ARHGAP24: variants seen among roughly 807,000 people sequenced by gnomAD.
The protein encoded by ARHGAP24 is Rho GTPase activating protein 24.
Under a neutral mutation model 76.4 loss-of-function variants are expected in ARHGAP24, and 50 were observed. The observed-to-expected ratio is 0.65, with a 90% CI of 0.52 to 0.83. The LOEUF is 0.83. Among genes scored for constraint, ARHGAP24 ranks in the 40% least tolerant of loss-of-function variants. The probability of loss-of-function intolerance (pLI) is 0.00; values close to 1 mark genes in which losing one functional copy is unlikely to be tolerated. For synonymous variants in ARHGAP24, 345 were observed against 323.3 expected (o/e 1.07, Z -0.72); for missense variants, 930 against 914.2 (o/e 1.02, Z -0.22).
intron 1 of ARHGAP24, among the ~76,000 whole-genome samples, chr4:85,546,821 A>G (rs1725937612): frequency 6.6e-6 from 1 of 152,184 alleles, no homozygotes; most frequent in African/African-American, 2.4e-5. Flanking sequence ...ACTTATAGAA[A>G]AGTTAGAGGA....
intron 2 of ARHGAP24, among the ~76,000 whole-genome samples, chr4:85,599,686 T>C (rs1719968743): frequency 6.6e-6 from 1 of 152,160 alleles, no homozygotes; most frequent in Non-Finnish European, 1.5e-5. Flanking sequence ...TTTTTTGTAT[T>C]ATATGTAACA....
intron 3 of ARHGAP24, among the ~76,000 whole-genome samples, chr4:85,917,375 G>A (rs1276366580): frequency 4.0e-5 from 6 of 151,840 alleles, no homozygotes; most frequent in African/African-American, 1.2e-4. Context: ...ATAAACATAC[G>A]TGTGCATGTG....
At chr4:85,489,275 G>T (rs1723268464) in intron 1 of ARHGAP24, among the ~76,000 whole-genome samples, 1 of 152,226 alleles carries the variant, frequency 6.6e-6, no homozygotes, top group Non-Finnish European at 1.5e-5. Flanking sequence ...AGGTGAGTGA[G>T]AGAATGGATG....
intron 3 of ARHGAP24, among the ~76,000 whole-genome samples, chr4:85,863,799 T>G (rs1256455061): frequency 6.6e-6 from 1 of 151,976 alleles, no homozygotes; most frequent in Non-Finnish European, 1.5e-5. Flanking sequence ...ATTTAGAACA[T>G]GGACACACAT....
At chr4:85,558,773 A>G in intron 1 of ARHGAP24, among the ~76,000 whole-genome samples, 1 of 152,246 alleles carries the variant, frequency 6.6e-6, no homozygotes. Context: ...ATTGGAAATC[A>G]TTAAGTACCT....
rs1168968862 is a variant in ARHGAP24, at chr4:85,923,522, C to A, written c.269-126C>A. 5 of 1,332,976 alleles carry A rather than the reference C, an allele frequency of 3.8e-6. No homozygotes were observed. In the African/African-American group the frequency reaches 4.4e-5, roughly 12 times the overall value. 82.6% of individuals were successfully genotyped at this position (1,332,976 alleles called of 1,614,324 possible). ...CACTCAGAAACCATGGTAAATATTT[C>A]ATCATTGGGTAGAACTTAGTGCGGG... On this transcript the variant is annotated intron_variant, in intron 3 of 9. Coordinates refer to ENST00000395184, the MANE Select transcript of ARHGAP24 (RefSeq NM_001025616.3).
intron 1 of ARHGAP24, among the ~76,000 whole-genome samples, chr4:85,527,025 A>G (rs953530499): frequency 1.3e-5 from 2 of 152,150 alleles, no homozygotes; most frequent in African/African-American, 4.8e-5. Context: ...TGCATCAGCA[A>G]TATCCTGCAC....
chr4:85,608,984 C>A (rs62317183), intron 2 of ARHGAP24, among the ~76,000 whole-genome samples: 1 of 152,156 alleles, frequency 6.6e-6, no homozygotes. Context: ...CCTGTGTGAC[C>A]TTCAACTTCT....
intron 2 of ARHGAP24, among the ~76,000 whole-genome samples, chr4:85,597,436 G>A (rs1578065961): frequency 6.6e-6 from 1 of 151,980 alleles, no homozygotes; most frequent in African/African-American, 2.4e-5. Flanking sequence ...CTAGAGGGAC[G>A]GATGGGGAAG....
At chr4:85,672,828 C>G (rs1252528691) in intron 2 of ARHGAP24, among the ~76,000 whole-genome samples, 1 of 152,152 alleles carries the variant, frequency 6.6e-6, no homozygotes, top group Non-Finnish European at 1.5e-5. Context: ...GGCTGCCTTT[C>G]TTTTTGTAAT....
intron 3 of ARHGAP24, among the ~76,000 whole-genome samples, chr4:85,750,887 ATC>A (rs1726236929): frequency 6.6e-6 from 1 of 152,146 alleles, no homozygotes; most frequent in Admixed American, 6.5e-5. Flanking sequence ...AGTCTCAGAG[ATC>A]TCTCTTCTCT....
chr4:85,646,956 A>G (rs1721745213), intron 2 of ARHGAP24, among the ~76,000 whole-genome samples: 1 of 152,154 alleles, frequency 6.6e-6, no homozygotes, highest in Admixed American at 6.6e-5. Flanking sequence ...ACATATTCAT[A>G]ACTTAGAAGA....
intron 1 of ARHGAP24, among the ~76,000 whole-genome samples, chr4:85,480,112 G>A (rs1455602660): frequency 1.3e-5 from 2 of 152,042 alleles, no homozygotes; most frequent in East Asian, 1.9e-4. Flanking sequence ...ATGTCAAAAT[G>A]TCTTTATTAC....
At chr4:85,683,107 T>TGGGGGGGGGGGGGGGGG (rs1310671945) in intron 2 of ARHGAP24, among the ~76,000 whole-genome samples, 2 of 12,846 alleles carry the variant, frequency 1.6e-4, no homozygotes, top group African/African-American at 2.4e-4. Context: ...TCTCTCAGTG[T>TGGGGGGGGGGGGGGGGG]GTGGGGGGGT....
At chr4:85,935,670 G>C (rs1736591785) in intron 4 of ARHGAP24, among the ~76,000 whole-genome samples, 1 of 152,150 alleles carries the variant, frequency 6.6e-6, no homozygotes, top group African/African-American at 2.4e-5. Flanking sequence ...CTTCAAATCT[G>C]TTTCCCTGTT....
intron 1 of ARHGAP24, among the ~76,000 whole-genome samples, chr4:85,506,489 G>A (rs1724053144): frequency 1.3e-5 from 2 of 152,202 alleles, no homozygotes; most frequent in Admixed American, 1.3e-4. Flanking sequence ...AGCCTTGCAG[G>A]TCAATCTCAT....
intron 2 of ARHGAP24, among the ~76,000 whole-genome samples, chr4:85,642,521 T>A (rs573090243): frequency 1.3e-5 from 2 of 152,120 alleles, no homozygotes; most frequent in East Asian, 3.9e-4. Context: ...TGCAGTTTCA[T>A]CTTTCTTAGT....
At chr4:85,921,201 T>G (rs181297921) in intron 3 of ARHGAP24, among the ~76,000 whole-genome samples, 76 of 152,194 alleles carry the variant, frequency 5.0e-4, no homozygotes, top group Admixed American at 2.0e-3. Flanking sequence ...TGTAGCCATT[T>G]AAAAAAAGAA....
At chr4:85,663,563 G>T (rs572594752) in intron 2 of ARHGAP24, among the ~76,000 whole-genome samples, 1 of 148,642 alleles carries the variant, frequency 6.7e-6, no homozygotes, top group East Asian at 1.9e-4. Flanking sequence ...ATGTTGAATA[G>T]GAGTGGTGAG....
Sources: allele counts gnomAD v4.1 joint callset (sites outside exome capture counted in the v4.1 genomes callset), GRCh38; gene constraint gnomAD v4.1.1; transcripts MANE v1.5; gene names NCBI Gene and HGNC (gene_info 2026-07-23, HGNC 2026-07-21).